Variants in MAN1A2 observed in about 807,000 individuals in gnomAD.
MAN1A2 encodes the protein mannosidase alpha class 1A member 2.
A neutral mutation model predicts 75.7 loss-of-function variants in MAN1A2; 26 were observed. That is an observed-to-expected ratio of 0.34 (90% confidence interval 0.25 to 0.48). The LOEUF is 0.48. Among genes scored for constraint, MAN1A2 ranks in the 20% least tolerant of loss-of-function variants. The probability of loss-of-function intolerance (pLI) is 0.99; values close to 1 mark genes in which losing one functional copy is unlikely to be tolerated. For synonymous variants in MAN1A2, 247 were observed against 264.6 expected (o/e 0.93, Z 0.65); for missense variants, 562 against 775.5 (o/e 0.72, Z 3.27).
At chr1:117,476,135 A>G (rs1570774616) in intron 8 of MAN1A2, among the ~76,000 whole-genome samples, 2 of 152,058 alleles carry the variant, frequency 1.3e-5, no homozygotes, top group East Asian at 3.9e-4. Flanking sequence ...GCTTTTTTTC[A>G]TATGTTCGTT....
rs1373685182 is a variant in MAN1A2 at position 117,528,346 on chromosome 1, T to TA, written c.*5390dup. The TA allele has an allele frequency of 2.0e-5, 3 of 152,040 alleles. No homozygotes were observed. Among genetic ancestry groups the TA allele is most frequent in the Non-Finnish European group, 2.9e-5 (2 of 67,966 alleles). The allele number at this position is 152,040 out of a possible 1,614,324, so 9.4% of individuals were successfully genotyped here. ...CAGGATGATAGAGGGAGCAGAGACT[T>TA]ACTGTCTCTCTTCCACATTATAAAT... is the stretch of plus-strand genomic sequence containing the variant. On this transcript the variant is annotated 3_prime_UTR_variant, in exon 13 of 13. Coordinates refer to ENST00000356554, the MANE Select transcript of MAN1A2 (RefSeq NM_006699.5).
In MAN1A2 at chr1:117,523,384, A is replaced by G. The variant is rs1651923595; in HGVS notation, c.*427A>G. The G allele has an allele frequency of 5.1e-6, 2 of 389,858 alleles. No individual in the cohort carries two copies. The highest frequency in any genetic ancestry group is 4.2e-5 in the African/African-American group (2 of 47,134). 24.1% of individuals were successfully genotyped at this position (389,858 alleles called of 1,614,324 possible). On this transcript the variant is annotated 3_prime_UTR_variant, in exon 13 of 13. Coordinates refer to ENST00000356554, the MANE Select transcript of MAN1A2 (RefSeq NM_006699.5). ...CAGTGGAGCAGCATTCAAATCAAAT[A>G]TTTACATATTGCTTATCACTTTTTC...
At chr1:117,415,387 C>G (rs1431875612) in intron 4 of MAN1A2, among the ~76,000 whole-genome samples, 1 of 152,032 alleles carries the variant, frequency 6.6e-6, no homozygotes, top group Admixed American at 6.6e-5. Flanking sequence ...GATATTTGTG[C>G]TTGCTTTTCC....
chr1:117,400,057 T>C (rs533381945), intron 1 of MAN1A2, among the ~76,000 whole-genome samples: 1 of 152,224 alleles, frequency 6.6e-6, no homozygotes, highest in South Asian at 2.1e-4. Context: ...AAGACTTCAG[T>C]CAGCACCTAT....
At chr1:117,403,727 C>T (rs1430277054) in intron 2 of MAN1A2, among the ~76,000 whole-genome samples, 2 of 152,094 alleles carry the variant, frequency 1.3e-5, no homozygotes, top group East Asian at 3.8e-4. Flanking sequence ...GATACTTTTA[C>T]TTTTTCCTTC....
intron 8 of MAN1A2, among the ~76,000 whole-genome samples, chr1:117,468,153 C>T (rs542949941): frequency 6.6e-6 from 1 of 152,060 alleles, no homozygotes; most frequent in Non-Finnish European, 1.5e-5. Flanking sequence ...AGAAAACTTA[C>T]AATCATGGCA....
At chr1:117,382,675 G>A (rs939627088) in intron 1 of MAN1A2, among the ~76,000 whole-genome samples, 4 of 152,144 alleles carry the variant, frequency 2.6e-5, no homozygotes, top group African/African-American at 9.6e-5. Context: ...GCTCTTTTTT[G>A]GTTCCATATG....
At chr1:117,377,111 T>C (rs1653173063) in intron 1 of MAN1A2, among the ~76,000 whole-genome samples, 2 of 152,238 alleles carry the variant, frequency 1.3e-5, no homozygotes, top group Non-Finnish European at 2.9e-5. Context: ...TGGTTATATC[T>C]GTATGTTTAT....
intron 6 of MAN1A2, among the ~76,000 whole-genome samples, chr1:117,455,025 A>G (rs1477942316): frequency 6.6e-6 from 1 of 152,156 alleles, no homozygotes; most frequent in Admixed American, 6.6e-5. Flanking sequence ...TAGACAATGA[A>G]AAGGCAAGAT....
intron 8 of MAN1A2, among the ~76,000 whole-genome samples, chr1:117,469,886 T>G (rs549832749): frequency 2.0e-5 from 3 of 152,118 alleles, no homozygotes; most frequent in Admixed American, 2.0e-4. Flanking sequence ...TGTAAAATGG[T>G]GCAGCTGCTG....
At chr1:117,471,032 T>C (rs1425833732) in intron 8 of MAN1A2, among the ~76,000 whole-genome samples, 2 of 148,246 alleles carry the variant, frequency 1.3e-5, no homozygotes, top group Admixed American at 6.7e-5. Context: ...TTTTTTCTTT[T>C]CTAAAACTTT....
At chr1:117,384,186 C>T (rs980787652) in intron 1 of MAN1A2, among the ~76,000 whole-genome samples, 2 of 151,986 alleles carry the variant, frequency 1.3e-5, no homozygotes, top group African/African-American at 4.8e-5. Context: ...TGGTTTGCAC[C>T]TCTTTTTCTA....
At chr1:117,482,334 A>T (rs1371918256) in intron 8 of MAN1A2, among the ~76,000 whole-genome samples, 2 of 151,984 alleles carry the variant, frequency 1.3e-5, no homozygotes. Context: ...ACTCCCACCA[A>T]CAGTGTAAAA....
intron 1 of MAN1A2, among the ~76,000 whole-genome samples, chr1:117,394,085 C>T (rs72689592): frequency 4.4e-4 from 58 of 132,354 alleles, no homozygotes; most frequent in Middle Eastern, 4.6e-3. Context: ...CAGTGGGTTT[C>T]CTTTTTTTTT....
chr1:117,453,855 A>G (rs1304127720), intron 6 of MAN1A2, among the ~76,000 whole-genome samples: 2 of 152,166 alleles, frequency 1.3e-5, no homozygotes, highest in South Asian at 2.1e-4. Context: ...GGAAGAATCA[A>G]TCAATACAGC....
In MAN1A2 at chr1:117,514,967, T is replaced by C. The variant is rs1290554; in HGVS notation, c.1794-7858T>C. 1.6e-3 allele frequency: 826 copies of C among 513,530 alleles called. 7 individuals carry two copies. Among genetic ancestry groups the C allele is most frequent in the African/African-American group, 0.014 (744 of 51,312 alleles). 31.8% of individuals were successfully genotyped at this position (513,530 alleles called of 1,614,324 possible). ...GGAGACAAGCTAAGTCAAATCAATA[T>C]GTACTTATAAGTACCTGCTTTCTCA... On this transcript the variant is annotated intron_variant, in intron 12 of 12. Coordinates refer to ENST00000356554, the MANE Select transcript of MAN1A2 (RefSeq NM_006699.5).
At chr1:117,396,422 A>G (rs937721626) in intron 1 of MAN1A2, among the ~76,000 whole-genome samples, 3 of 152,336 alleles carry the variant, frequency 2.0e-5, no homozygotes, top group Middle Eastern at 3.4e-3. Context: ...ATCTTTACAA[A>G]TGAAAGTCTA....
At chr1:117,496,485 A>C (rs1651039217) in intron 9 of MAN1A2, among the ~76,000 whole-genome samples, 1 of 152,034 alleles carries the variant, frequency 6.6e-6, no homozygotes, top group African/African-American at 2.4e-5. Context: ...TTTGAGAAGT[A>C]AGGGACTAAA....
intron 3 of MAN1A2, among the ~76,000 whole-genome samples, chr1:117,410,577 T>C (rs924661233): frequency 2.0e-5 from 3 of 150,862 alleles, no homozygotes; most frequent in Non-Finnish European, 4.4e-5. Context: ...TATGTAACAT[T>C]GTACTGGAGA....
Sources: allele counts gnomAD v4.1 joint callset (sites outside exome capture counted in the v4.1 genomes callset), GRCh38; gene constraint gnomAD v4.1.1; transcripts MANE v1.5; gene names NCBI Gene and HGNC (gene_info 2026-07-23, HGNC 2026-07-21).